Variants in DYNC1LI2 observed in about 807,000 individuals in gnomAD.
DYNC1LI2 encodes cytoplasmic dynein 1 light intermediate chain 2.
A neutral mutation model predicts 57.8 loss-of-function variants in DYNC1LI2; 19 were observed. The observed-to-expected ratio is 0.33, with a 90% CI of 0.23 to 0.48. The LOEUF is 0.48. Among genes scored for constraint, DYNC1LI2 ranks in the 20% least tolerant of loss-of-function variants. The pLI, the probability that DYNC1LI2 is intolerant of heterozygous loss-of-function variation, is 0.99. For synonymous variants in DYNC1LI2, 256 were observed against 233.4 expected (o/e 1.10, Z -0.88); for missense variants, 470 against 604.2 (o/e 0.78, Z 2.33).
chr16:66,735,656 G>A (rs1445422622), intron 5 of DYNC1LI2, among the ~76,000 whole-genome samples: 8 of 151,996 alleles, frequency 5.3e-5, no homozygotes, highest in Non-Finnish European at 7.4e-5. Context: ...ACAGGTGCCC[G>A]CCACCACGGC....
chr16:66,736,087 C>T lies in DYNC1LI2; in HGVS notation c.687G>A (p.Val229=). 6.2e-7 allele frequency: 1 copy of T among 1,614,068 alleles called. No homozygotes were observed. The highest frequency in any genetic ancestry group is 1.3e-5 in the African/African-American group (1 of 75,016). The change falls in exon 5 of 13, where the codon GTG becomes GTA. Residue 229 remains valine (V), a synonymous_variant. Transcript: ENST00000258198. The part of the protein sequence containing the change: ...LTHNLGIPVL[V]VCTKCDAVSV... ...CCCTGGCACACACCTTTGTGCACAC[C>T]ACCAACACCGGGATCCCCAGGTTAT...
chr16:66,725,913 G>A lies in DYNC1LI2; in HGVS notation c.1293C>T (p.Ser431=). ...TTTTACTCAACAGACTGTTGAAGAA[G>A]CTGGCCAACACCCCTTCACTTGCTG... is the stretch of plus-strand genomic sequence containing the variant. ...NNAASEGVLA[S]FFNSLLSKKT... Residue 431 remains serine (S), a synonymous_variant, in exon 12 of 13, where the codon AGC becomes AGT. Coordinates refer to ENST00000258198, the MANE Select transcript of DYNC1LI2 (RefSeq NM_006141.3). 1 of 1,614,050 alleles carries A rather than the reference G, an allele frequency of 6.2e-7. No individual in the cohort carries two copies. Among genetic ancestry groups the A allele is most frequent in the Non-Finnish European group, 8.5e-7 (1 of 1,179,988 alleles).
rs923829279 is a variant in DYNC1LI2, at chr16:66,721,740, A to C, written c.*1982T>G. The C allele has an allele frequency of 3.3e-5, 5 of 152,672 alleles. No individual in the cohort carries two copies. The highest frequency in any genetic ancestry group is 7.3e-5 in the Non-Finnish European group (5 of 68,040). The allele number at this position is 152,672 out of a possible 1,614,324, so 9.5% of individuals were successfully genotyped here. On this transcript the variant is annotated 3_prime_UTR_variant, in exon 13 of 13. Transcript: ENST00000258198. ...TTTTAGTATATTTTATATTGACACA[A>C]AAAGTGCTTATCAGTTCAAATGATA...
At chr16:66,742,913 C>G (rs1421519304) in intron 3 of DYNC1LI2, among the ~76,000 whole-genome samples, 2 of 152,290 alleles carry the variant, frequency 1.3e-5, no homozygotes, top group East Asian at 3.9e-4. Context: ...AATCTCAACA[C>G]TTTGAGAGGC....
chr16:66,727,522 C>T (rs946346542), intron 11 of DYNC1LI2, among the ~76,000 whole-genome samples, 166 bp downstream of exon 11: 14 of 152,188 alleles, frequency 9.2e-5, no homozygotes, highest in Admixed American at 5.9e-4. Context: ...TACCATGGAC[C>T]TTCTTCCTCT....
chr16:66,723,292 T>C lies in DYNC1LI2; in HGVS notation c.*430A>G. On this transcript the variant is annotated 3_prime_UTR_variant, in exon 13 of 13. Coordinates refer to ENST00000258198, the MANE Select transcript of DYNC1LI2 (RefSeq NM_006141.3). Reference sequence around the variant, plus strand: ...GTCTCATTACTCCTTCTGGTCTTTCTTTCCTGGACTTTCTGCTACTTAATC... The same window carrying C: ...GTCTCATTACTCCTTCTGGTCTTTCCTTCCTGGACTTTCTGCTACTTAATC... 2.2e-6 allele frequency: 1 copy of C among 455,862 alleles called. No homozygotes were observed. The highest frequency in any genetic ancestry group is 1.6e-5 in the South Asian group (1 of 64,496). The allele number at this position is 455,862 out of a possible 1,614,324, so 28.2% of individuals were successfully genotyped here.
chr16:66,728,611 T>G (rs1363584829), intron 9 of DYNC1LI2, among the ~76,000 whole-genome samples: 1 of 152,178 alleles, frequency 6.6e-6, no homozygotes, highest in Admixed American at 6.6e-5. Context: ...AAATGGGAAG[T>G]CTGCATTCTA....
chr16:66,733,930 G>A (rs1302360376), intron 6 of DYNC1LI2: 6 of 354,974 alleles, frequency 1.7e-5, no homozygotes, highest in South Asian at 3.3e-5. Context: ...CGGAGGCTGA[G>A]GTAGGTGATC....
Position 66,749,216 on chromosome 16 carries a change from G to A in DYNC1LI2, c.279C>T (p.Val93=), listed in dbSNP as rs149335286. Residue 93 remains valine (V), a synonymous_variant, in exon 3 of 13, where the codon GTC becomes GTT. Transcript: ENST00000258198. Reference sequence around the variant, plus strand: ...ACTCACCATCTCGGTCCTCATCATGGACACTGAGGTAGAGATATTCTAGGC... The same window carrying A: ...ACTCACCATCTCGGTCCTCATCATGAACACTGAGGTAGAGATATTCTAGGC... ...GRGLEYLYLS[V]HDEDRDDHTR... is the part of the protein sequence containing the mutation. 1.3e-5 allele frequency: 21 copies of A among 1,614,188 alleles called. No individual in the cohort carries two copies. The African/African-American group carries it at 2.7e-4, about 20-fold the overall frequency.
Position 66,730,126 on chromosome 16 carries a change from G to T in DYNC1LI2, c.1027C>A (p.Pro343Thr). ...EDAYEDFIVK[P>T]PVRKLVHDKE... ...TCTTTGACTACCTTTCTCACGGGAGGTTTCACAATAAAGTCTTCATATGCA... is the reference window on the plus strand; with the variant it reads ...TCTTTGACTACCTTTCTCACGGGAGTTTTCACAATAAAGTCTTCATATGCA... Residue 343 changes from proline to threonine, a missense_variant, in exon 8 of 13, where the codon CCT (proline) becomes ACT (threonine). By Grantham distance (38) the Pro-to-Thr change is conservative (BLOSUM62 -1). Transcript: ENST00000258198. 3 of 1,613,644 alleles carry T rather than the reference G, an allele frequency of 1.9e-6. No homozygotes were observed. Among genetic ancestry groups the T allele is most frequent in the Non-Finnish European group, 2.5e-6 (3 of 1,179,878 alleles).
chr16:66,730,860 A>C (rs1418868124), intron 7 of DYNC1LI2: 1 of 152,260 alleles, frequency 6.6e-6, no homozygotes. Flanking sequence ...CATTATGTGA[A>C]GCCACAGCCT....
At chr16:66,743,190 C>T (rs2017871360) in intron 3 of DYNC1LI2, among the ~76,000 whole-genome samples, 1 of 108,840 alleles carries the variant, frequency 9.2e-6, no homozygotes, top group Non-Finnish European at 1.8e-5. Flanking sequence ...AAAACAAAAA[C>T]AAAACAAACA....
chr16:66,732,132 G>T, intron 7 of DYNC1LI2: 1 of 571,508 alleles, frequency 1.7e-6, no homozygotes, highest in Non-Finnish European at 2.8e-6. Flanking sequence ...ACTTGCTCTC[G>T]AGGAAGAAAG....
chr16:66,729,410 A>G (rs1196979980), intron 8 of DYNC1LI2, among the ~76,000 whole-genome samples: 1 of 151,954 alleles, frequency 6.6e-6, no homozygotes, highest in Non-Finnish European at 1.5e-5. Flanking sequence ...AATGGGAAAC[A>G]CCACCAACTC....
intron 9 of DYNC1LI2, 120 bp downstream of exon 9, chr16:66,728,920 A>C: frequency 9.9e-7 from 1 of 1,007,534 alleles, no homozygotes; most frequent in Non-Finnish European, 1.6e-6. Flanking sequence ...CCTGGTCTCA[A>C]CCCCTCTACC....
chr16:66,723,950 G>A (rs2017493841), intron 12 of DYNC1LI2, 128 bp from the exon 13 acceptor site: 1 of 778,522 alleles, frequency 1.3e-6, no homozygotes, highest in African/African-American at 1.8e-5. Context: ...ATAAGAATGA[G>A]GAAAGCCCTT....
chr16:66,745,044 GATT>G (rs1382457721), intron 3 of DYNC1LI2, among the ~76,000 whole-genome samples: 1 of 151,830 alleles, frequency 6.6e-6, no homozygotes, highest in Non-Finnish European at 1.5e-5. Flanking sequence ...GAGTAGCTGG[GATT>G]ACAGGAGTGC....
rs561025071 is a variant in DYNC1LI2, at chr16:66,732,347, G to A, written c.921C>T (p.Ala307=). The change falls in exon 7 of 13, where the codon GCC becomes GCT. Residue 307 remains alanine, a synonymous_variant. Coordinates refer to ENST00000258198, the MANE Select transcript of DYNC1LI2 (RefSeq NM_006141.3). ...AGCTCAAAATAACTCACATAAAAAC[G>A]GCATCCTTTTCCACAACTAAGGCAG... ...TTPALVVEKD[A]VFIPAGWDNE... The A allele has an allele frequency of 9.9e-6, 16 of 1,612,308 alleles. No individual in the cohort carries two copies. The East Asian group carries it at 1.6e-4, about 16-fold the overall frequency.
At chr16:66,738,233 T>G (rs1358689970) in intron 4 of DYNC1LI2, 2 of 148,014 alleles carry the variant, frequency 1.4e-5, no homozygotes, top group Admixed American at 1.4e-4. Flanking sequence ...ATTTCATCTC[T>G]ACAGCTTCTT....
Sources: gnomAD v4.1 joint callset for allele counts (sites outside exome capture counted in the v4.1 genomes callset) on GRCh38, gnomAD v4.1.1 for gene constraint, MANE v1.5 for transcripts, NCBI Gene and HGNC (gene_info 2026-07-23, HGNC 2026-07-21) for gene names.